The following ITGAV variants were observed in gnomAD, a reference collection of about 807,000 sequenced individuals.
ITGAV encodes the protein integrin subunit alpha V, also known as integrin alpha-V.
Under a neutral mutation model 143.8 loss-of-function variants are expected in ITGAV, and 76 were observed. The ratio of observed to expected loss-of-function variants is 0.53; its 90% CI spans 0.44 to 0.64. The LOEUF is 0.64. Ranked by LOEUF, ITGAV falls within the 30% of genes least tolerant of loss-of-function variation. The probability of loss-of-function intolerance (pLI) is 0.00; values close to 1 mark genes in which losing one functional copy is unlikely to be tolerated. For missense variants in ITGAV, 1,193 were observed against 1,274.7 expected (o/e 0.94, Z 0.98); for synonymous variants, 453 against 446.7 (o/e 1.01, Z -0.18).
chr2:186,617,722 T>C (rs1338087893), intron 2 of ITGAV, among the ~76,000 whole-genome samples: 2 of 152,216 alleles, frequency 1.3e-5, no homozygotes, highest in African/African-American at 4.8e-5. Flanking sequence ...GTTATTTAAA[T>C]ACTTTATTTC....
chr2:186,628,828 G>A (rs1687745398), intron 4 of ITGAV, among the ~76,000 whole-genome samples: 1 of 151,904 alleles, frequency 6.6e-6, no homozygotes, highest in South Asian at 2.1e-4. Context: ...CATTACTCAG[G>A]GAATGATAAA....
chr2:186,600,527 C>G (rs886378015), intron 1 of ITGAV: 1 of 1,075,038 alleles, frequency 9.3e-7, no homozygotes, highest in Non-Finnish European at 1.3e-6. Context: ...ACTGCTCTGT[C>G]TAAAGAAGGT....
intron 12 of ITGAV, 61 bp from the exon 13 acceptor site, chr2:186,646,624 CT>C: frequency 7.7e-7 from 1 of 1,298,122 alleles, no homozygotes; most frequent in South Asian, 1.6e-5. Flanking sequence ...TCATTCTTCC[CT>C]TTCTTTTCCT....
At position 186,677,276 on chromosome 2, in the gene ITGAV, G is replaced by A; in HGVS notation, c.3131G>A (p.Gly1044Glu). Reference sequence around the variant, plus strand: ...CTTCAACCTCATGAAAATGGTGAAGGAAACTCAGAAACTTAACTGCAGTTT... The same window carrying A: ...CTTCAACCTCATGAAAATGGTGAAGAAAACTCAGAAACTTAACTGCAGTTT... ...EQLQPHENGEGNSET is the reference protein window; with the variant it reads ...EQLQPHENGEENSET Residue 1044 changes from glycine to glutamate, a missense_variant, in exon 30 of 30, where the codon GGA becomes GAA. Physicochemically the swap from Gly to Glu is moderately conservative, Grantham distance 98 (BLOSUM62 -2). Transcript: ENST00000261023. 1 of 1,612,770 alleles carries A rather than the reference G, an allele frequency of 6.2e-7. No individual in the cohort carries two copies. The highest frequency in any genetic ancestry group is 2.2e-5 in the East Asian group (1 of 44,840).
intron 2 of ITGAV, among the ~76,000 whole-genome samples, chr2:186,613,215 C>A (rs566128531): frequency 6.7e-6 from 1 of 149,170 alleles, no homozygotes; most frequent in South Asian, 2.1e-4. Context: ...CTTTCAGGAT[C>A]ATTTCCTTTT....
At chr2:186,647,145 AAAGTT>A (rs1380503429) in intron 13 of ITGAV, among the ~76,000 whole-genome samples, 1 of 152,212 alleles carries the variant, frequency 6.6e-6, no homozygotes, top group African/African-American at 2.4e-5. Flanking sequence ...GTTATAAACA[AAAGTT>A]AAATGCTCAT....
In ITGAV at chr2:186,656,345, A is replaced by T. The variant is rs200277128; in HGVS notation, c.1663A>T (p.Met555Leu). The change falls in exon 17 of 30, where the codon ATG becomes TTG. Residue 555 changes from methionine (M) to leucine (L), a missense_variant. Physicochemically the swap from Met to Leu is conservative, Grantham distance 15. Coordinates refer to ENST00000261023, the MANE Select transcript of ITGAV (RefSeq NM_002210.5). ...CAGGTCCCCAAGTCACTCCAAGAAC[A>T]TGACTATTTCAAGGGGGGGACTGAT... ...YSRSPSHSKN[M>L]TISRGGLMQC... The T allele has an allele frequency of 6.4e-7, 1 of 1,564,636 alleles. No homozygotes were observed. Among genetic ancestry groups the T allele is most frequent in the African/African-American group, 1.4e-5 (1 of 71,508 alleles).
At position 186,668,905 on chromosome 2, in the gene ITGAV, C is replaced by A; in HGVS notation, c.2577C>A (p.Asn859Lys). Reference protein sequence around the residue: ...PMNCTSDMEINPLRIKISSLQ... With the variant: ...PMNCTSDMEIKPLRIKISSLQ... ...ACTGCACTTCAGATATGGAGATCAA[C>A]CCTTTGAGAATTAAGGTAATATGCT... The change falls in exon 25 of 30, where the codon AAC (asparagine) becomes AAA (lysine). Residue 859 changes from asparagine (N) to lysine (K), a missense_variant. Coordinates refer to ENST00000261023, the MANE Select transcript of ITGAV (RefSeq NM_002210.5). 6.2e-7 allele frequency: 1 copy of A among 1,608,550 alleles called. No homozygotes were observed. The highest frequency in any genetic ancestry group is 8.5e-7 in the Non-Finnish European group (1 of 1,177,714).
intron 13 of ITGAV, among the ~76,000 whole-genome samples, chr2:186,649,023 TAC>T (rs140954377): frequency 0.055 from 2,416 of 43,808 alleles, 678 homozygotes; most frequent in African/African-American, 0.15. Flanking sequence ...TGTATATATA[TAC>T]ACATTTGTGT....
At chr2:186,613,711 G>C (rs941079063) in intron 2 of ITGAV, among the ~76,000 whole-genome samples, 1 of 152,014 alleles carries the variant, frequency 6.6e-6, no homozygotes, top group African/African-American at 2.4e-5. Context: ...TTGTCCTTTC[G>C]TTAATAGTAC....
intron 26 of ITGAV, among the ~76,000 whole-genome samples, chr2:186,675,157 G>A (rs150467151): frequency 2.0e-3 from 307 of 152,278 alleles, no homozygotes; most frequent in Admixed American, 5.4e-3. Context: ...GAGGCCATCA[G>A]CATGCGATTT....
rs139888581 is a variant in ITGAV, at chr2:186,650,172, T to A, written c.1397+287T>A. Among the ~76,000 whole-genome samples, 3 of 152,284 alleles carry A rather than the reference T, an allele frequency of 2.0e-5. No homozygotes were observed. In the East Asian group the frequency reaches 5.8e-4, roughly 29 times the overall value. On this transcript the variant is annotated intron_variant, in intron 14 of 29. Coordinates refer to ENST00000261023, the MANE Select transcript of ITGAV (RefSeq NM_002210.5). ...CTCAAACATTGATCATTTATTTGTG[T>A]TGGGAACATTCAGAATCCTGTCTTC...
At chr2:186,654,413 G>A (rs909957800) in intron 15 of ITGAV, among the ~76,000 whole-genome samples, 1 of 151,870 alleles carries the variant, frequency 6.6e-6, no homozygotes, top group Admixed American at 6.6e-5. Flanking sequence ...GAGAAAGTTA[G>A]GACATTATTT....
At chr2:186,675,950 T>C (rs748874852) in intron 28 of ITGAV, 23 bp downstream of exon 28, 20 of 1,248,838 alleles carry the variant, frequency 1.6e-5, no homozygotes, top group Admixed American at 9.4e-5. Flanking sequence ...TTTAGGCAAA[T>C]AGAATAAATT....
intron 2 of ITGAV, among the ~76,000 whole-genome samples, chr2:186,603,206 A>C (rs1686963020): frequency 6.6e-6 from 1 of 152,244 alleles, no homozygotes; most frequent in South Asian, 2.1e-4. Context: ...ATAGTCTTAC[A>C]AAATTTTTTA....
Position 186,679,742 on chromosome 2 carries a change from G to A in ITGAV, c.*2450G>A, listed in dbSNP as rs1689303670. Reference sequence around the variant, plus strand: ...TTATATAGGTATTTATTTCAGAATTGATATTTTGAGAAAAATACATGTGAG... The same window carrying A: ...TTATATAGGTATTTATTTCAGAATTAATATTTTGAGAAAAATACATGTGAG... On this transcript the variant is annotated 3_prime_UTR_variant, in exon 30 of 30. Coordinates refer to ENST00000261023, the MANE Select transcript of ITGAV (RefSeq NM_002210.5). The A allele has an allele frequency of 6.6e-6, 1 of 151,930 alleles. No homozygotes were observed. Among genetic ancestry groups the A allele is most frequent in the Non-Finnish European group, 1.5e-5 (1 of 67,884 alleles). 9.4% of individuals were successfully genotyped at this position (151,930 alleles called of 1,614,324 possible).
intron 16 of ITGAV, among the ~76,000 whole-genome samples, 188 bp downstream of exon 16, chr2:186,654,896 A>G (rs1469005696): frequency 6.6e-6 from 1 of 152,232 alleles, no homozygotes; most frequent in East Asian, 1.9e-4. Flanking sequence ...TAATTCAAAA[A>G]TAATACACTT....
At chr2:186,618,993 G>A (rs1270532683) in intron 2 of ITGAV, among the ~76,000 whole-genome samples, 2 of 151,946 alleles carry the variant, frequency 1.3e-5, no homozygotes, top group East Asian at 3.8e-4. Context: ...CCAAGATATG[G>A]AATCAGTTCA....
chr2:186,621,226 T>C (rs943861354), intron 2 of ITGAV, among the ~76,000 whole-genome samples: 3 of 152,228 alleles, frequency 2.0e-5, no homozygotes, highest in Admixed American at 6.5e-5. Flanking sequence ...TTCAAACTTA[T>C]AGAAAATTTC....
Sources: allele counts gnomAD v4.1 joint callset (sites outside exome capture counted in the v4.1 genomes callset), GRCh38; gene constraint gnomAD v4.1.1; transcripts MANE v1.5; gene names NCBI Gene and HGNC (gene_info 2026-07-23, HGNC 2026-07-21).